Variants in BCAR3 observed in about 807,000 individuals in gnomAD.
The protein encoded by BCAR3 is BCAR3 adaptor protein, NSP family member.
BCAR3 carries 37 observed loss-of-function variants against 80.1 expected under a neutral mutation model. The observed-to-expected ratio is 0.46, with a 90% CI of 0.36 to 0.61. The LOEUF is 0.61. BCAR3 is among the 20% of genes least tolerant of loss of function. BCAR3 has a pLI of 0.00. For synonymous variants in BCAR3, 389 were observed against 418.9 expected (o/e 0.93, Z 0.87); for missense variants, 978 against 1,068.2 (o/e 0.92, Z 1.18).
At chr1:93,585,785 C>G (rs908088353) in intron 5 of BCAR3, among the ~76,000 whole-genome samples, 1 of 152,184 alleles carries the variant, frequency 6.6e-6, no homozygotes, top group Non-Finnish European at 1.5e-5. Context: ...GTTGCCCAGG[C>G]TGGAGTGAAG....
chr1:93,575,370 A>G (rs1246044770), intron 8 of BCAR3, among the ~76,000 whole-genome samples: 1 of 152,242 alleles, frequency 6.6e-6, no homozygotes, highest in Middle Eastern at 3.2e-3. Flanking sequence ...TATCTAGTCT[A>G]GAGCTTCTTT....
intron 2 of BCAR3, chr1:93,723,635 T>C (rs758121505): frequency 4.6e-5 from 7 of 152,234 alleles, no homozygotes; most frequent in Non-Finnish European, 1.0e-4. Context: ...ATTAAATGTC[T>C]TTCTCTGCCA....
intron 2 of BCAR3, among the ~76,000 whole-genome samples, chr1:93,777,596 T>A (rs924304788): frequency 3.4e-5 from 4 of 119,024 alleles, no homozygotes; most frequent in Admixed American, 8.8e-5. Context: ...TAATTTAAAA[T>A]TTTTTTTTGT....
At chr1:93,597,667 A>G (rs1425833143) in intron 3 of BCAR3, among the ~76,000 whole-genome samples, 2 of 152,266 alleles carry the variant, frequency 1.3e-5, no homozygotes, top group African/African-American at 2.4e-5. Flanking sequence ...AATTGTCATA[A>G]TAGACTCATA....
chr1:93,731,130 A>C (rs1212112988), intron 2 of BCAR3, among the ~76,000 whole-genome samples: 1 of 152,244 alleles, frequency 6.6e-6, no homozygotes, highest in Non-Finnish European at 1.5e-5. Context: ...CAGTGTCATC[A>C]GAACAAGGAA....
rs559315454 is a variant in BCAR3, at chr1:93,796,580, G to C, written c.-63+48987C>G. ...TGGCACTCCCTAGTGAGATGAACCCGGTACCTCAGATGGAAATGCAGAAAT... is the reference window on the plus strand; with the variant it reads ...TGGCACTCCCTAGTGAGATGAACCCCGTACCTCAGATGGAAATGCAGAAAT... On this transcript the variant is annotated intron_variant, in intron 2 of 13. Transcript: ENST00000370244. Among the ~76,000 whole-genome samples the C allele has an allele frequency of 2.7e-4, 41 of 151,692 alleles. No individual in the cohort carries two copies. In the South Asian group the frequency reaches 8.3e-3, roughly 31 times the overall value.
chr1:93,636,465 T>C (rs975216818), intron 3 of BCAR3, among the ~76,000 whole-genome samples: 28 of 151,934 alleles, frequency 1.8e-4, no homozygotes, highest in Non-Finnish European at 4.0e-4. Flanking sequence ...TGCGGTAGCC[T>C]GGAGAGCAGG....
chr1:93,638,878 A>G (rs149327143), intron 3 of BCAR3, among the ~76,000 whole-genome samples: 8 of 152,292 alleles, frequency 5.3e-5, no homozygotes, highest in Admixed American at 2.0e-4. Flanking sequence ...GTGAGGAGAG[A>G]AGGTTAGGAA....
upstream of BCAR3, chr1:93,847,853 G>GC (rs1655287312): frequency 1.1e-5 from 2 of 183,626 alleles, no homozygotes; most frequent in Non-Finnish European, 2.3e-5. Context: ...GTGGCCCAGG[G>GC]CCCAGCTCAG....
At chr1:93,750,761 C>T (rs946298135) in intron 2 of BCAR3, among the ~76,000 whole-genome samples, 2 of 152,178 alleles carry the variant, frequency 1.3e-5, no homozygotes, top group Non-Finnish European at 2.9e-5. Context: ...ACCAACAAGG[C>T]CCTCCCAGGT....
chr1:93,822,442 C>T lies in BCAR3; in HGVS notation c.-63+23125G>A, dbSNP rs141313632. ...GCAACCTCTGTCTCCCAGGTTCATG[C>T]GATTCTCTTGCCTCAGCCTCCAAAG... is the stretch of plus-strand genomic sequence containing the variant. On this transcript the variant is annotated intron_variant, in intron 2 of 13. Coordinates refer to the BCAR3 transcript ENST00000370244. Among the ~76,000 whole-genome samples, 630 of 151,990 alleles carry T rather than the reference C, an allele frequency of 4.1e-3. 5 individuals carry two copies. The highest frequency in any genetic ancestry group is 0.014 in the African/African-American group (596 of 41,424).
At chr1:93,577,427 G>C (rs1186058526) in intron 7 of BCAR3, among the ~76,000 whole-genome samples, 1 of 152,184 alleles carries the variant, frequency 6.6e-6, no homozygotes, top group Admixed American at 6.5e-5. Context: ...CTGTGGATGA[G>C]CTCTCTAGTG....
rs560392134 is a variant in BCAR3, at chr1:93,811,836, C to A, written c.-63+33731G>T. Among the ~76,000 whole-genome samples, 8 of 152,316 alleles carry A rather than the reference C, an allele frequency of 5.3e-5. No homozygotes were observed. In the South Asian group the frequency reaches 1.4e-3, roughly 28 times the overall value. The stretch of plus-strand genomic sequence containing the variant: ...GCTTGTACTGGCTCCCAAGAGCCAA[C>A]TGACATATTTTTGGAATTTTACAAG... On this transcript the variant is annotated intron_variant, in intron 2 of 13. Coordinates refer to the BCAR3 transcript ENST00000370244.
At chr1:93,612,428 T>C (rs535035210) in intron 3 of BCAR3, among the ~76,000 whole-genome samples, 1 of 152,124 alleles carries the variant, frequency 6.6e-6, no homozygotes, top group South Asian at 2.1e-4. Flanking sequence ...TTTCTATATA[T>C]TATGTAGCCT....
At chr1:93,759,674 G>T (rs1046271427) in intron 2 of BCAR3, among the ~76,000 whole-genome samples, 1 of 152,204 alleles carries the variant, frequency 6.6e-6, no homozygotes, top group Non-Finnish European at 1.5e-5. Context: ...TGATTCAGGG[G>T]AGAGAAGGAA....
At chr1:93,663,809 G>A (rs1011563908) in intron 2 of BCAR3, among the ~76,000 whole-genome samples, 1 of 152,332 alleles carries the variant, frequency 6.6e-6, no homozygotes, top group South Asian at 2.1e-4. Flanking sequence ...CTTTAAAGGA[G>A]CAGGTTCAGA....
rs543097265 is a variant in BCAR3, at chr1:93,839,691, CAT to C, written c.-63+5874_-63+5875del. On this transcript the variant is annotated intron_variant, in intron 2 of 13. Transcript: ENST00000370244. Reference sequence around the variant, plus strand: ...CCTCACAAAATGAGAAGTAAAAGGTCATAGTTTCCTCTGAAGTAATTTTTTTG... The same window carrying C: ...CCTCACAAAATGAGAAGTAAAAGGTCAGTTTCCTCTGAAGTAATTTTTTTG... 2.7e-3 allele frequency among the ~76,000 whole-genome samples: 416 copies of C among 152,292 alleles called. 2 individuals carry two copies. Among genetic ancestry groups the C allele is most frequent in the African/African-American group, 9.5e-3 (393 of 41,548 alleles).
intron 3 of BCAR3, among the ~76,000 whole-genome samples, chr1:93,607,149 A>G (rs185696161): frequency 2.6e-5 from 4 of 152,214 alleles, no homozygotes; most frequent in Admixed American, 1.3e-4. Context: ...CATTGGTACA[A>G]TGTTCATTAT....
At chr1:93,758,508 T>A (rs1651822701) in intron 2 of BCAR3, among the ~76,000 whole-genome samples, 1 of 152,164 alleles carries the variant, frequency 6.6e-6, no homozygotes, top group Non-Finnish European at 1.5e-5. Flanking sequence ...ACACCCCTAA[T>A]CGGGAGCCAG....
Sources: gnomAD v4.1 joint callset for allele counts (sites outside exome capture counted in the v4.1 genomes callset) on GRCh38, gnomAD v4.1.1 for gene constraint, MANE v1.5 for transcripts, NCBI Gene and HGNC (gene_info 2026-07-23, HGNC 2026-07-21) for gene names.